Variants in THSD7B observed in about 807,000 individuals in gnomAD.
THSD7B encodes the protein thrombospondin type-1 domain-containing protein 7B.
Under a neutral mutation model 213.6 loss-of-function variants are expected in THSD7B, and 138 were observed. That is an observed-to-expected ratio of 0.65 (90% CI 0.56 to 0.74). The LOEUF (loss-of-function observed/expected upper bound fraction) is 0.74. Ranked by LOEUF, THSD7B falls within the 30% of genes least tolerant of loss-of-function variation. The pLI is 0.00. For missense variants in THSD7B, 1,931 were observed against 1,991.5 expected, an observed-to-expected ratio of 0.97 and a Z score of 0.58; for synonymous variants, 742 against 687.0, an observed-to-expected ratio of 1.08 and a Z score of -1.25.
chr2:137,196,438 G>T (rs1347371727), intron 7 of THSD7B, among the ~76,000 whole-genome samples: 1 of 125,314 alleles, frequency 8.0e-6, no homozygotes, highest in Admixed American at 1.0e-4. Context: ...CAGGTATTCT[G>T]GTGATGCTAC....
intron 2 of THSD7B, among the ~76,000 whole-genome samples, chr2:136,911,275 C>T (rs1175930467): frequency 6.6e-6 from 1 of 151,572 alleles, no homozygotes; most frequent in Non-Finnish European, 1.5e-5. Flanking sequence ...TTGATATGAC[C>T]CATATTAATG....
At chr2:137,331,969 G>T (rs12615312) in intron 12 of THSD7B, among the ~76,000 whole-genome samples, 1 of 151,928 alleles carries the variant, frequency 6.6e-6, no homozygotes, top group African/African-American at 2.4e-5. Flanking sequence ...ACACAGCCCC[G>T]GTTCCCACTC....
intron 4 of THSD7B, among the ~76,000 whole-genome samples, chr2:137,103,868 G>A (rs377457578): frequency 1.2e-4 from 18 of 152,142 alleles, no homozygotes; most frequent in Admixed American, 9.8e-4. Flanking sequence ...TAACACAGGA[G>A]CATCCAGATT....
intron 14 of THSD7B, among the ~76,000 whole-genome samples, chr2:137,413,203 T>G (rs887635153): frequency 6.6e-6 from 1 of 152,230 alleles, no homozygotes; most frequent in African/African-American, 2.4e-5. Flanking sequence ...GTGATTTGAC[T>G]TTCAGAAACA....
At chr2:136,997,734 G>A (rs975879878) in intron 2 of THSD7B, among the ~76,000 whole-genome samples, 3 of 152,050 alleles carry the variant, frequency 2.0e-5, no homozygotes, top group Admixed American at 2.0e-4. Context: ...TCATAGAGAG[G>A]GAATGAGTTA....
At chr2:136,947,627 C>T (rs376095337) in intron 2 of THSD7B, among the ~76,000 whole-genome samples, 7 of 152,024 alleles carry the variant, frequency 4.6e-5, no homozygotes, top group Non-Finnish European at 7.3e-5. Flanking sequence ...CCCCTGGTCA[C>T]GTCCCTGCAA....
At chr2:137,237,113 C>CAAAAAA (rs70978209) in intron 9 of THSD7B, among the ~76,000 whole-genome samples, 1 of 109,574 alleles carries the variant, frequency 9.1e-6, no homozygotes, top group Non-Finnish European at 1.9e-5. Context: ...AACTCCGTCT[C>CAAAAAA]AAAAAAAAAA....
chr2:137,312,638 G>A (rs1394036306), intron 12 of THSD7B, among the ~76,000 whole-genome samples: 1 of 149,584 alleles, frequency 6.7e-6, no homozygotes, highest in African/African-American at 2.5e-5. Flanking sequence ...TCTCTTGTGG[G>A]CATTTAGTGC....
chr2:137,403,638 C>G (rs1414628584), intron 12 of THSD7B, among the ~76,000 whole-genome samples: 1 of 152,158 alleles, frequency 6.6e-6, no homozygotes, highest in East Asian at 1.9e-4. Context: ...ATTATGTGAG[C>G]CATTTAAACA....
intron 2 of THSD7B, among the ~76,000 whole-genome samples, chr2:136,917,155 T>C (rs140076329): frequency 1.4e-4 from 21 of 152,336 alleles, no homozygotes; most frequent in Non-Finnish European, 2.5e-4. Context: ...AGTTTTCCAA[T>C]CTCAAACTTT....
chr2:137,612,167 C>T (rs1228886101), intron 17 of THSD7B, among the ~76,000 whole-genome samples: 1 of 152,150 alleles, frequency 6.6e-6, no homozygotes, highest in Admixed American at 6.6e-5. Context: ...TCACCATGTA[C>T]AGTGTACTAG....
intron 2 of THSD7B, among the ~76,000 whole-genome samples, chr2:137,018,883 C>T (rs1157577848): frequency 6.6e-6 from 1 of 152,102 alleles, no homozygotes; most frequent in African/African-American, 2.4e-5. Flanking sequence ...GTTTTTAAAA[C>T]TCTACCCAGA....
At chr2:137,465,054 A>G (rs1052678202) in intron 15 of THSD7B, among the ~76,000 whole-genome samples, 2 of 152,080 alleles carry the variant, frequency 1.3e-5, no homozygotes, top group Non-Finnish European at 2.9e-5. Flanking sequence ...AGGAGAGAGA[A>G]ATAAGGACAT....
chr2:137,646,381 C>T (rs1683030797), intron 21 of THSD7B, among the ~76,000 whole-genome samples: 1 of 151,560 alleles, frequency 6.6e-6, no homozygotes, highest in Non-Finnish European at 1.5e-5. Flanking sequence ...GTGGCTCACA[C>T]CTGTTATCCC....
chr2:137,427,482 T>TTG (rs745951294), intron 14 of THSD7B, among the ~76,000 whole-genome samples: 18 of 151,408 alleles, frequency 1.2e-4, no homozygotes, highest in East Asian at 5.8e-4. Flanking sequence ...GTGTGTGTGC[T>TTG]TGTGTGTGTG....
At chr2:137,153,164 G>A (rs1181112555) in intron 5 of THSD7B, among the ~76,000 whole-genome samples, 1 of 152,062 alleles carries the variant, frequency 6.6e-6, no homozygotes, top group Non-Finnish European at 1.5e-5. Context: ...TGTAATTGGT[G>A]GCTATTGACT....
chr2:137,369,527 A>G (rs78458040), intron 12 of THSD7B, among the ~76,000 whole-genome samples: 6,000 of 152,224 alleles, frequency 0.039, 412 homozygotes, highest in African/African-American at 0.14. Flanking sequence ...AATTAAATCC[A>G]AGATTATATT....
At chr2:137,603,781 G>A (rs554154146) in intron 17 of THSD7B, among the ~76,000 whole-genome samples, 51 of 151,976 alleles carry the variant, frequency 3.4e-4, no homozygotes, top group Admixed American at 5.2e-4. Flanking sequence ...AATTTGGCTT[G>A]GCATCACAAA....
At chr2:136,936,181 C>T (rs778327672) in intron 2 of THSD7B, among the ~76,000 whole-genome samples, 16 of 151,922 alleles carry the variant, frequency 1.1e-4, no homozygotes, top group Middle Eastern at 3.4e-3. Context: ...TAGATGTTGG[C>T]GTGGATGTGG....
Sources: gnomAD v4.1 joint callset for allele counts (sites outside exome capture counted in the v4.1 genomes callset) on GRCh38, gnomAD v4.1.1 for gene constraint, MANE v1.5 for transcripts, NCBI Gene and HGNC (gene_info 2026-07-23, HGNC 2026-07-21) for gene names.